The following PPFIA1 variants were observed in gnomAD, a reference collection of about 807,000 sequenced individuals.
The protein encoded by PPFIA1 is liprin-alpha-1.
Under a neutral mutation model 149.9 loss-of-function variants are expected in PPFIA1, and 25 were observed. The observed-to-expected ratio is 0.17, with a 90% CI of 0.12 to 0.23. The LOEUF is 0.23. Among genes scored for constraint, PPFIA1 ranks in the 10% least tolerant of loss-of-function variants. The pLI is 1.00. For synonymous variants in PPFIA1, 549 were observed against 552.8 expected (o/e 0.99, Z 0.10); for missense variants, 1,362 against 1,506.5 (o/e 0.90, Z 1.59).
intron 26 of PPFIA1, 48 bp downstream of exon 26, chr11:70,378,243 GCTTT>G (rs1481467412): frequency 3.2e-6 from 5 of 1,582,908 alleles, no homozygotes; most frequent in African/African-American, 1.3e-5. Context: ...AGCATGAGCA[GCTTT>G]CTGTCTGGAA....
intron 2 of PPFIA1, among the ~76,000 whole-genome samples, chr11:70,319,416 C>CATGAGAATCCTT (rs1257966234): frequency 6.6e-6 from 1 of 152,254 alleles, no homozygotes; most frequent in Non-Finnish European, 1.5e-5. Flanking sequence ...GGGCACGGCT[C>CATGAGAATCCTT]ATGAGAATCC....
chr11:70,376,387 A>G (rs2057492583), intron 24 of PPFIA1, 145 bp from the exon 25 acceptor site: 1 of 762,126 alleles, frequency 1.3e-6, no homozygotes, highest in Non-Finnish European at 2.2e-6. Flanking sequence ...TTGGCGTCCG[A>G]AAGTGTTGGA....
intron 2 of PPFIA1, among the ~76,000 whole-genome samples, chr11:70,295,908 T>G (rs1172812042): frequency 2.2e-5 from 3 of 133,768 alleles, no homozygotes; most frequent in African/African-American, 2.9e-5. Flanking sequence ...GGGCGGAGGG[T>G]CTCCTCACTT....
chr11:70,306,939 G>A (rs1320482451), intron 2 of PPFIA1, among the ~76,000 whole-genome samples: 1 of 152,150 alleles, frequency 6.6e-6, no homozygotes, highest in Non-Finnish European at 1.5e-5. Context: ...GAGCAACAGG[G>A]TATCACAGAA....
intron 7 of PPFIA1, 161 bp downstream of exon 7, chr11:70,326,979 T>G (rs2054336153): frequency 4.6e-6 from 3 of 649,062 alleles, no homozygotes; most frequent in Non-Finnish European, 7.8e-6. Context: ...GCTGTGAAAC[T>G]GCCATAAGCT....
chr11:70,379,718 C>G (rs1043032064), intron 26 of PPFIA1, among the ~76,000 whole-genome samples: 2 of 152,032 alleles, frequency 1.3e-5, no homozygotes, highest in Admixed American at 6.6e-5. Flanking sequence ...TTCTCTATCA[C>G]CTGTATAAAA....
chr11:70,352,970 T>C (rs2056159979), intron 16 of PPFIA1, among the ~76,000 whole-genome samples: 1 of 152,210 alleles, frequency 6.6e-6, no homozygotes, highest in African/African-American at 2.4e-5. Flanking sequence ...GATGATTGTT[T>C]TAACCTGAAT....
At chr11:70,379,603 C>A (rs1225779337) in intron 26 of PPFIA1, among the ~76,000 whole-genome samples, 4 of 146,240 alleles carry the variant, frequency 2.7e-5, no homozygotes, top group African/African-American at 1.1e-4. Context: ...ACAGTGAGAC[C>A]CCATCTCTAA....
intron 16 of PPFIA1, among the ~76,000 whole-genome samples, chr11:70,353,318 A>G (rs1313071328): frequency 6.6e-6 from 1 of 152,234 alleles, no homozygotes; most frequent in Non-Finnish European, 1.5e-5. Flanking sequence ...GCACCGCACC[A>G]TGATCACACC....
chr11:70,314,671 G>A (rs1416010438), intron 2 of PPFIA1, among the ~76,000 whole-genome samples: 3 of 152,066 alleles, frequency 2.0e-5, no homozygotes, highest in East Asian at 3.8e-4. Flanking sequence ...ATATGGAAAT[G>A]CGGTTCTGTA....
intron 2 of PPFIA1, among the ~76,000 whole-genome samples, chr11:70,310,919 A>G (rs1591160985): frequency 6.6e-6 from 1 of 152,102 alleles, no homozygotes; most frequent in African/African-American, 2.4e-5. Context: ...CCGAGGACAC[A>G]CTGGTTCTTA....
In PPFIA1 at chr11:70,355,858, G is replaced by A. The variant is rs1428527768; in HGVS notation, c.2488+47G>A. The A allele has an allele frequency of 5.1e-6, 8 of 1,569,506 alleles. No individual in the cohort carries two copies. In the Admixed American group the frequency reaches 5.6e-5, roughly 11 times the overall value. The stretch of plus-strand genomic sequence containing the variant: ...TTCTCAGCACCCAGGGGTCGGGGAG[G>A]AAGGCACTGCCTTCGGTGCCATCAG... On this transcript the variant is annotated intron_variant, in intron 18 of 27. Coordinates refer to ENST00000253925, the MANE Select transcript of PPFIA1 (RefSeq NM_003626.5).
chr11:70,322,919 C>T (rs2054032308), intron 2 of PPFIA1, among the ~76,000 whole-genome samples: 1 of 150,944 alleles, frequency 6.6e-6, no homozygotes, highest in Non-Finnish European at 1.5e-5. Context: ...GTCTTCCACT[C>T]TCTCTGACCA....
chr11:70,312,650 G>A (rs534737242), intron 2 of PPFIA1, among the ~76,000 whole-genome samples: 3 of 152,272 alleles, frequency 2.0e-5, no homozygotes, highest in East Asian at 1.9e-4. Flanking sequence ...CCTCAACATC[G>A]TGGAGCCTGC....
At chr11:70,345,163 G>GTGCT in intron 15 of PPFIA1, among the ~76,000 whole-genome samples, 1 of 148,902 alleles carries the variant, frequency 6.7e-6, no homozygotes, top group Admixed American at 6.7e-5. Flanking sequence ...TTTGAGTGAG[G>GTGCT]TGCTGAGTCC....
At position 70,384,381 on chromosome 11, in the gene PPFIA1, C is replaced by T. The variant is rs558136709; in HGVS notation, c.*1391C>T. 3.3e-5 allele frequency: 5 copies of T among 152,766 alleles called. No homozygotes were observed. Among genetic ancestry groups the T allele is most frequent in the African/African-American group, 1.2e-4 (5 of 41,572 alleles). The allele number at this position is 152,766 out of a possible 1,614,324, so 9.5% of individuals were successfully genotyped here. A position where few individuals can be genotyped will look rare whatever the true frequency, so the allele number is the denominator to read the frequency against. On this transcript the variant is annotated 3_prime_UTR_variant, in exon 28 of 28. Transcript: ENST00000253925. ...GCTTTCTTTCAATAAAGTACTGAAG[C>T]ATTTTCCACTGCCAATGAAGAATAC...
chr11:70,372,550 G>C lies in PPFIA1; in HGVS notation c.3115G>C (p.Glu1039Gln), dbSNP rs1236363352. 9 of 1,612,596 alleles carry C rather than the reference G, an allele frequency of 5.6e-6. No homozygotes were observed. The highest frequency in any genetic ancestry group is 7.6e-6 in the Non-Finnish European group (9 of 1,179,018). ...CCGGAAAGAACTGGAAAGAAAAAGAGAAGAAAGTCAGAGTGAAATAAAAGG... is the reference window on the plus strand; with the variant it reads ...CCGGAAAGAACTGGAAAGAAAAAGACAAGAAAGTCAGAGTGAAATAAAAGG... ...YDRKELERKR[E>Q]ESQSEIKDVL... is the part of the protein sequence containing the mutation. The change falls in exon 23 of 28, where the codon GAA (glutamate) becomes CAA (glutamine). Residue 1039 changes from glutamate (E) to glutamine (Q), a missense_variant. Around this residue, in one of 7 missense-constraint regions of PPFIA1, gnomAD observed 349 missense variants for 373.3 expected, o/e 0.93. Transcript: ENST00000253925.
intron 21 of PPFIA1, among the ~76,000 whole-genome samples, chr11:70,366,130 T>C (rs1468120821): frequency 2.0e-5 from 3 of 152,200 alleles, no homozygotes; most frequent in Non-Finnish European, 2.9e-5. Context: ...AAGCAAAACA[T>C]AGCATCAAAG....
At position 70,372,386 on chromosome 11, in the gene PPFIA1, C is replaced by T; in HGVS notation, c.3037C>T (p.His1013Tyr). ...RGQLKMVDSF[H>Y]RNSFQCGIMC... Reference sequence around the variant, plus strand: ...GCAGCTGAAAATGGTCGACAGTTTTCACAGGTAACTTAATGGAGATAGTTC... The same window carrying T: ...GCAGCTGAAAATGGTCGACAGTTTTTACAGGTAACTTAATGGAGATAGTTC... The change falls in exon 22 of 28, where the codon CAC (histidine) becomes TAC (tyrosine). Residue 1013 changes from histidine to tyrosine, a missense_variant. Physicochemically the swap from His to Tyr is moderately conservative, Grantham distance 83. Transcript: ENST00000253925. 6.2e-7 allele frequency: 1 copy of T among 1,614,136 alleles called. No homozygotes were observed. The highest frequency in any genetic ancestry group is 8.5e-7 in the Non-Finnish European group (1 of 1,180,004).
Sources: gnomAD v4.1 joint callset for allele counts (sites outside exome capture counted in the v4.1 genomes callset) on GRCh38, gnomAD v4.1.1 for gene constraint, gnomAD v4.1.1 regional missense constraint, MANE v1.5 for transcripts, NCBI Gene and HGNC (gene_info 2026-07-23, HGNC 2026-07-21) for gene names.